VPS13A: variants seen among roughly 807,000 people sequenced by gnomAD.
VPS13A encodes the protein intermembrane lipid transfer protein VPS13A.
Under a neutral mutation model 390.9 loss-of-function variants are expected in VPS13A, and 264 were observed. That is an observed-to-expected ratio of 0.68 (90% CI 0.61 to 0.75). The LOEUF (loss-of-function observed/expected upper bound fraction) is 0.75, where lower values mean the gene tolerates loss of function less well. Among genes scored for constraint, VPS13A ranks in the 30% least tolerant of loss-of-function variants. The probability of loss-of-function intolerance (pLI) is 0.00; values close to 1 mark genes in which losing one functional copy is unlikely to be tolerated. For synonymous variants in VPS13A, 1,231 were observed against 1,227.1 expected (o/e 1.00, Z -0.07); for missense variants, 3,409 against 3,733.9 (o/e 0.91, Z 2.27).
intron 29 of VPS13A, among the ~76,000 whole-genome samples, chr9:77,282,802 G>C (rs1171197407): frequency 6.6e-6 from 1 of 151,994 alleles, no homozygotes; most frequent in African/African-American, 2.4e-5. Flanking sequence ...TTAAAAATTA[G>C]TTGGGCATGG....
intron 68 of VPS13A, among the ~76,000 whole-genome samples, chr9:77,391,419 T>C (rs948896295): frequency 2.0e-5 from 3 of 152,210 alleles, no homozygotes; most frequent in Non-Finnish European, 2.9e-5. Flanking sequence ...GAGGCCTCTT[T>C]TCACTCATCC....
At chr9:77,397,944 G>A (rs1380465751) in intron 68 of VPS13A, among the ~76,000 whole-genome samples, 1 of 152,090 alleles carries the variant, frequency 6.6e-6, no homozygotes, top group Non-Finnish European at 1.5e-5. Context: ...TATAAATGAG[G>A]CTAACATGTC....
intron 22 of VPS13A, among the ~76,000 whole-genome samples, chr9:77,253,001 T>A (rs892159389): frequency 1.3e-5 from 2 of 152,206 alleles, no homozygotes; most frequent in African/African-American, 4.8e-5. Context: ...TACTCAGAAG[T>A]AGAATTGCTG....
Position 77,370,249 on chromosome 9 carries a change from C to T in VPS13A, c.8668-8C>T, listed in dbSNP as rs770928839. The T allele has an allele frequency of 1.2e-6, 2 of 1,613,816 alleles. No homozygotes were observed. Among genetic ancestry groups the T allele is most frequent in the African/African-American group, 2.7e-5 (2 of 74,890 alleles). On this transcript the variant is annotated splice_polypyrimidine_tract_variant and splice_region_variant and intron_variant, in intron 63 of 71. Transcript: ENST00000360280. The stretch of plus-strand genomic sequence containing the variant: ...ACTCACTCATTTATTTACTATTTGG[C>T]CCTTTAGGGAGCCATCCAGGGTCCT...
chr9:77,285,202 T>G (rs1827260041), intron 31 of VPS13A, among the ~76,000 whole-genome samples: 1 of 152,170 alleles, frequency 6.6e-6, no homozygotes, highest in African/African-American at 2.4e-5. Context: ...CAGAGAGGCA[T>G]AAGGTTTTTG....
chr9:77,314,651 A>C lies in VPS13A; in HGVS notation c.4399A>C (p.Lys1467Gln). 1 of 1,612,298 alleles carries C rather than the reference A, an allele frequency of 6.2e-7. No individual in the cohort carries two copies. Among genetic ancestry groups the C allele is most frequent in the Non-Finnish European group, 8.5e-7 (1 of 1,178,834 alleles). Residue 1467 changes from lysine to glutamine, a missense_variant, in exon 37 of 72, where the codon AAA becomes CAA. Lys to Gln is a moderately conservative substitution (Grantham distance 53). Transcript: ENST00000360280. ...AGATGATAAAAGACCTCATGTCAAG[A>C]AAGCAACTCCTCGGTATGTATTGTA... ...ILDDKRPHVK[K>Q]ATPRMIGLTV...
At chr9:77,262,494 T>C (rs974786780) in intron 23 of VPS13A, among the ~76,000 whole-genome samples, 2 of 152,142 alleles carry the variant, frequency 1.3e-5, no homozygotes, top group African/African-American at 4.8e-5. Context: ...GCAGGTTTGT[T>C]ACATAGGTAT....
rs747035319 is a variant in VPS13A at position 77,280,139 on chromosome 9, T to A, written c.2825-20T>A. On this transcript the variant is annotated intron_variant, in intron 26 of 71. Transcript: ENST00000360280. ...GTTACCTTTCCGATGAAAAGATAAT[T>A]TTTAAAAAATTATTTTTAGATGAAA... is the stretch of plus-strand genomic sequence containing the variant. The A allele has an allele frequency of 6.4e-7, 1 of 1,564,654 alleles. No individual in the cohort carries two copies. Among genetic ancestry groups the A allele is most frequent in the Non-Finnish European group, 8.8e-7 (1 of 1,142,002 alleles).
intron 17 of VPS13A, among the ~76,000 whole-genome samples, chr9:77,230,279 A>G (rs1226935157): frequency 3.9e-5 from 6 of 151,904 alleles, no homozygotes; most frequent in Admixed American, 3.3e-4. Context: ...CATGCTTTTC[A>G]TTATAACTCA....
intron 27 of VPS13A, among the ~76,000 whole-genome samples, chr9:77,281,440 T>C (rs910831844): frequency 6.6e-6 from 1 of 152,126 alleles, no homozygotes; most frequent in Non-Finnish European, 1.5e-5. Flanking sequence ...ATCAAAAATA[T>C]TAAATTTTTT....
intron 54 of VPS13A, among the ~76,000 whole-genome samples, chr9:77,356,186 A>C (rs1831769226): frequency 6.6e-6 from 1 of 152,090 alleles, no homozygotes; most frequent in Admixed American, 6.6e-5. Flanking sequence ...CATATACTGC[A>C]AGTGTGCCTC....
At chr9:77,188,002 G>A (rs1478655743) in intron 1 of VPS13A, among the ~76,000 whole-genome samples, 1 of 152,156 alleles carries the variant, frequency 6.6e-6, no homozygotes, top group Non-Finnish European at 1.5e-5. Flanking sequence ...GGGGACTGGT[G>A]GGAGGCAGTT....
At chr9:77,350,599 G>T (rs1020519850) in intron 52 of VPS13A, among the ~76,000 whole-genome samples, 3 of 152,108 alleles carry the variant, frequency 2.0e-5, no homozygotes, top group African/African-American at 2.4e-5. Flanking sequence ...TTGTGCCATT[G>T]TTTTTTGATA....
At chr9:77,209,601 C>T (rs1825860247) in intron 6 of VPS13A, 69 bp downstream of exon 6, 1 of 1,008,374 alleles carries the variant, frequency 9.9e-7, no homozygotes, top group South Asian at 1.5e-5. Context: ...TTAATGACAC[C>T]TACTTTTTAA....
intron 13 of VPS13A, 72 bp downstream of exon 13, chr9:77,221,428 C>G: frequency 6.6e-7 from 1 of 1,509,220 alleles, no homozygotes; most frequent in Non-Finnish European, 9.1e-7. Flanking sequence ...GTGACTGATA[C>G]TCCCTACCTT....
chr9:77,234,701 A>G (rs960634678), intron 17 of VPS13A, among the ~76,000 whole-genome samples: 6 of 152,000 alleles, frequency 3.9e-5, no homozygotes, highest in Admixed American at 3.3e-4. Context: ...CCATTTTGCT[A>G]TTTGTTTATT....
At chr9:77,264,346 C>T (rs1825919513) in intron 23 of VPS13A, among the ~76,000 whole-genome samples, 1 of 152,090 alleles carries the variant, frequency 6.6e-6, no homozygotes, top group Admixed American at 6.5e-5. Context: ...TCAATGATAA[C>T]TTAATGGGGA....
At chr9:77,345,237 A>G in intron 52 of VPS13A, 95 bp downstream of exon 52, 2 of 1,306,224 alleles carry the variant, frequency 1.5e-6, no homozygotes, top group Admixed American at 1.7e-5. Context: ...ATAAACACTG[A>G]TAATAGCATT....
intron 68 of VPS13A, among the ~76,000 whole-genome samples, chr9:77,393,278 C>G (rs1009079130): frequency 6.6e-6 from 1 of 152,146 alleles, no homozygotes. Flanking sequence ...ACTTCTAATC[C>G]CCTTGCTATT....
Sources: allele counts gnomAD v4.1 joint callset (sites outside exome capture counted in the v4.1 genomes callset), GRCh38; gene constraint gnomAD v4.1.1; transcripts MANE v1.5; gene names NCBI Gene and HGNC (gene_info 2026-07-23, HGNC 2026-07-21).